Variants in SLC43A3 observed in about 807,000 individuals in gnomAD.
The protein encoded by SLC43A3 is solute carrier family 43 member 3.
SLC43A3 carries 33 observed loss-of-function variants against 53.3 expected under a neutral mutation model. That is an observed-to-expected ratio of 0.62 (90% CI 0.47 to 0.83). The LOEUF (loss-of-function observed/expected upper bound fraction) is 0.83. Among genes scored for constraint, SLC43A3 ranks in the 40% least tolerant of loss-of-function variants. The pLI, the probability that SLC43A3 is intolerant of heterozygous loss-of-function variation, is 0.00. For synonymous variants in SLC43A3, 236 were observed against 246.2 expected, an observed-to-expected ratio of 0.96 and a Z score of 0.39; for missense variants, 530 against 610.0, an observed-to-expected ratio of 0.87 and a Z score of 1.38.
chr11:57,416,694 G>C (rs1217002757), intron 8 of SLC43A3, 24 bp from the exon 9 acceptor site: 1 of 1,589,722 alleles, frequency 6.3e-7, no homozygotes, highest in Non-Finnish European at 8.6e-7. Flanking sequence ...AGCCCCACCA[G>C]CAAGGCCAAG....
At chr11:57,413,061 CAAAAAAAA>C (rs1190635755) in intron 11 of SLC43A3, among the ~76,000 whole-genome samples, 1 of 76,272 alleles carries the variant, frequency 1.3e-5, no homozygotes, top group African/African-American at 4.7e-5. Flanking sequence ...TTATTCACGG[CAAAAAAAA>C]AAAAAAAAAA....
Position 57,407,827 on chromosome 11 carries a change from G to A in SLC43A3, c.1441C>T (p.Arg481Cys), listed in dbSNP as rs186165874. The change falls in exon 14 of 14, where the codon CGT (arginine) becomes TGT (cysteine). Residue 481 changes from arginine to cysteine, a missense_variant. Arg to Cys is a radical substitution (Grantham distance 180, BLOSUM62 -3). This residue lies in a region of SLC43A3 where 124 missense variants were observed against 166.4 expected (regional missense o/e 0.75). Coordinates refer to ENST00000395124, the MANE Select transcript of SLC43A3 (RefSeq NM_199329.3). ...GCAGAGGGACTTTCTTTCCAAGTACGGCATTCCCGATATACCAGAAAGGGG... is the reference window on the plus strand; with the variant it reads ...GCAGAGGGACTTTCTTTCCAAGTACAGCATTCCCGATATACCAGAAAGGGG... ...FHPFLVYREC[R>C]TWKESPSAIA 23 of 1,613,054 alleles carry A rather than the reference G, an allele frequency of 1.4e-5. No individual in the cohort carries two copies. The highest frequency in any genetic ancestry group is 6.7e-5 in the Admixed American group (4 of 60,018).
intron 13 of SLC43A3, 87 bp from the exon 14 acceptor site, chr11:57,407,983 T>A: frequency 1.2e-6 from 1 of 867,592 alleles, no homozygotes; most frequent in East Asian, 2.4e-5. Flanking sequence ...GTCCATTCCA[T>A]GACCAATGAA....
intron 13 of SLC43A3, chr11:57,408,178 A>C: frequency 3.1e-6 from 1 of 320,486 alleles, no homozygotes; most frequent in African/African-American, 2.1e-5. Context: ...TCAAGGTCAC[A>C]TGGGAAGCTG....
At chr11:57,414,005 C>T (rs935759516) in intron 11 of SLC43A3, among the ~76,000 whole-genome samples, 3 of 152,218 alleles carry the variant, frequency 2.0e-5, no homozygotes, top group African/African-American at 7.2e-5. Context: ...TCTTTGTGCC[C>T]CCCATGGCCC....
At chr11:57,422,007 G>A (rs1011715112) in intron 5 of SLC43A3, among the ~76,000 whole-genome samples, 2 of 152,196 alleles carry the variant, frequency 1.3e-5, no homozygotes, top group African/African-American at 4.8e-5. Context: ...GGTTATAACA[G>A]GTCTGGTAAG....
chr11:57,421,001 A>G lies in SLC43A3; in HGVS notation c.502T>C (p.Ser168Pro). 3 of 1,613,676 alleles carry G rather than the reference A, an allele frequency of 1.9e-6. No individual in the cohort carries two copies. The highest frequency in any genetic ancestry group is 2.5e-6 in the Non-Finnish European group (3 of 1,179,542). The change falls in exon 7 of 14, where the codon TCT (serine) becomes CCT (proline). Residue 168 changes from serine to proline, a missense_variant. Physicochemically the swap from Ser to Pro is moderately conservative, Grantham distance 74. Coordinates refer to ENST00000395124, the MANE Select transcript of SLC43A3 (RefSeq NM_199329.3). ...IITLYNGAFD[S>P]SSAVFLIIKL... ...ATAATAAGGAAGACTGCCGAGGAAG[A>G]GTCAAATGCTCCATTGTACAGAGTG...
At position 57,409,159 on chromosome 11, in the gene SLC43A3, T is replaced by A. The variant is rs754244875; in HGVS notation, c.1371+16A>T. 2.0e-5 allele frequency: 32 copies of A among 1,614,036 alleles called. No homozygotes were observed. The highest frequency in any genetic ancestry group is 2.7e-5 in the Non-Finnish European group (32 of 1,179,928). ...CCAGGCCTCCTGCCAGGGATCCCCATCCTCCCAGTACTCACGTAAAATGGG... is the reference window on the plus strand; with the variant it reads ...CCAGGCCTCCTGCCAGGGATCCCCAACCTCCCAGTACTCACGTAAAATGGG... On this transcript the variant is annotated intron_variant, in intron 13 of 13. Coordinates refer to ENST00000395124, the MANE Select transcript of SLC43A3 (RefSeq NM_199329.3).
Position 57,409,241 on chromosome 11 carries a change from C to T in SLC43A3, c.1305G>A (p.Val435=). ...LFGLVMALSA[V]VSLLQFPIFT... ...AGATGGGGAACTGGAGCAGAGACAC[C>T]ACAGCCGACAAGGCCATCACCAGCC... Residue 435 remains valine, a synonymous_variant, in exon 13 of 14, where the codon GTG becomes GTA. Transcript: ENST00000395124. The T allele has an allele frequency of 6.2e-7, 1 of 1,614,122 alleles. No homozygotes were observed. Among genetic ancestry groups the T allele is most frequent in the Non-Finnish European group, 8.5e-7 (1 of 1,179,994 alleles).
At chr11:57,421,878 C>T (rs76097174) in intron 5 of SLC43A3, among the ~76,000 whole-genome samples, 1 of 152,202 alleles carries the variant, frequency 6.6e-6, no homozygotes, top group Non-Finnish European at 1.5e-5. Flanking sequence ...GGACCATGGT[C>T]TTTTCTTTGT....
chr11:57,420,805 A>G (rs1942949345), intron 7 of SLC43A3, among the ~76,000 whole-genome samples, 167 bp downstream of exon 7: 1 of 152,198 alleles, frequency 6.6e-6, no homozygotes, highest in Non-Finnish European at 1.5e-5. Flanking sequence ...TAGCTGCAGA[A>G]CCTTCAACAA....
intron 9 of SLC43A3, chr11:57,415,377 T>C (rs1176797719): frequency 6.9e-7 from 1 of 1,450,042 alleles, no homozygotes; most frequent in African/African-American, 1.4e-5. Flanking sequence ...ATGACACTTC[T>C]TGCAGTAATA....
chr11:57,426,167 C>T lies in SLC43A3; in HGVS notation c.6G>A (p.Ala2=), dbSNP rs146533870. 7.6e-5 allele frequency: 122 copies of T among 1,614,050 alleles called. 1 individual carries two copies. In the Middle Eastern group the frequency reaches 3.3e-3, roughly 44 times the overall value. The change falls in exon 3 of 14, where the codon GCG becomes GCA. Residue 2 remains alanine, a synonymous_variant. Transcript: ENST00000395124. Reference sequence around the variant, plus strand: ...CCACGTGCAGGGGCAGGCCCTGGCCCGCCATGAGCAGAAGTGGAGTGGATC... The same window carrying T: ...CCACGTGCAGGGGCAGGCCCTGGCCTGCCATGAGCAGAAGTGGAGTGGATC... The part of the protein sequence containing the change: M[A]GQGLPLHVAT...
chr11:57,417,633 AACAG>A, intron 8 of SLC43A3, 111 bp downstream of exon 8: 1 of 1,188,676 alleles, frequency 8.4e-7, no homozygotes. Context: ...AGCAATAGCT[AACAG>A]ATGCACTGCT....
chr11:57,418,581 A>T (rs1372785312), intron 7 of SLC43A3, among the ~76,000 whole-genome samples: 1 of 152,132 alleles, frequency 6.6e-6, no homozygotes, highest in East Asian at 1.9e-4. Context: ...CTGTAATTCC[A>T]GCTACTTGGG....
At chr11:57,417,430 T>C (rs1331119526) in intron 8 of SLC43A3, among the ~76,000 whole-genome samples, 1 of 152,200 alleles carries the variant, frequency 6.6e-6, no homozygotes, top group Non-Finnish European at 1.5e-5. Context: ...ACTCCAAACC[T>C]ATGTGAGTGA....
chr11:57,424,613 T>G (rs1248303024), intron 4 of SLC43A3, among the ~76,000 whole-genome samples: 3 of 122,410 alleles, frequency 2.5e-5, no homozygotes, highest in African/African-American at 6.1e-5. Context: ...AGGCATGGAG[T>G]AAAAAAAAAA....
At chr11:57,421,415 A>G in intron 5 of SLC43A3, 42 bp from the exon 6 acceptor site, 1 of 1,488,368 alleles carries the variant, frequency 6.7e-7, no homozygotes, top group South Asian at 1.2e-5. Context: ...TCATAGTGCA[A>G]CCCAAACATG....
chr11:57,421,600 C>T (rs1942991386), intron 5 of SLC43A3, among the ~76,000 whole-genome samples: 1 of 152,170 alleles, frequency 6.6e-6, no homozygotes, highest in Non-Finnish European at 1.5e-5. Context: ...AAAGTTGGTC[C>T]TCAGTCTGTG....
Sources: gnomAD v4.1 joint callset for allele counts (sites outside exome capture counted in the v4.1 genomes callset) on GRCh38, gnomAD v4.1.1 for gene constraint, gnomAD v4.1.1 regional missense constraint, MANE v1.5 for transcripts, NCBI Gene and HGNC (gene_info 2026-07-23, HGNC 2026-07-21) for gene names.